The following TRAPPC12 variants were observed in gnomAD, a reference collection of about 807,000 sequenced individuals.
TRAPPC12 encodes the protein trafficking protein particle complex subunit 12.
In TRAPPC12, 61 loss-of-function variants were observed where a neutral mutation model predicts 69.2. The observed-to-expected ratio is 0.88, with a 90% confidence interval of 0.72 to 1.09. TRAPPC12 has a LOEUF of 1.09. TRAPPC12 is among the 50% of genes least tolerant of loss of function. The pLI is 0.00. For synonymous variants in TRAPPC12, 469 were observed against 438.9 expected (o/e 1.07, Z -0.86); for missense variants, 1,101 against 1,016.4 (o/e 1.08, Z -1.13).
rs146104184 is a variant in TRAPPC12 at position 3,468,209 on chromosome 2, A to G, written c.1776+2514A>G. 7.5e-3 allele frequency among the ~76,000 whole-genome samples: 1,129 copies of G among 151,242 alleles called. 12 individuals carry two copies. The highest frequency in any genetic ancestry group is 0.026 in the African/African-American group (1,090 of 41,194). ...CTCCCTTCTCTTTCTGCTTGTGCAA[A>G]CCCTGCCCATTCTTGAGGGCTCACT... On this transcript the variant is annotated intron_variant, in intron 9 of 11. Transcript: ENST00000324266.
intron 7 of TRAPPC12, among the ~76,000 whole-genome samples, chr2:3,459,088 ATTG>A (rs1202275867): frequency 6.6e-6 from 1 of 152,196 alleles, no homozygotes; most frequent in Non-Finnish European, 1.5e-5. Flanking sequence ...TTTCTAGGTG[ATTG>A]TTATCTCACA....
chr2:3,436,704 C>T (rs1663805273), intron 5 of TRAPPC12, among the ~76,000 whole-genome samples: 1 of 151,764 alleles, frequency 6.6e-6, no homozygotes, highest in South Asian at 2.1e-4. Flanking sequence ...AGTTTCACTG[C>T]CCTGTGTATT....
At chr2:3,418,171 G>A (rs1193317587) in intron 3 of TRAPPC12, among the ~76,000 whole-genome samples, 4 of 152,100 alleles carry the variant, frequency 2.6e-5, no homozygotes, top group African/African-American at 9.7e-5. Flanking sequence ...GACAAGCCTG[G>A]GCAACATGGG....
intron 9 of TRAPPC12, among the ~76,000 whole-genome samples, chr2:3,476,067 G>C (rs772581437): frequency 8.2e-4 from 125 of 152,328 alleles, no homozygotes; most frequent in Non-Finnish European, 1.6e-3. Flanking sequence ...GAAATCGATA[G>C]TAGTGGACTT....
At chr2:3,384,205 A>G (rs1246243493) in intron 1 of TRAPPC12, among the ~76,000 whole-genome samples, 1 of 152,096 alleles carries the variant, frequency 6.6e-6, no homozygotes, top group African/African-American at 2.4e-5. Flanking sequence ...CCAATATTTC[A>G]GTCTTTATAC....
intron 2 of TRAPPC12, among the ~76,000 whole-genome samples, chr2:3,393,427 G>A (rs1020849885): frequency 6.6e-6 from 1 of 152,156 alleles, no homozygotes; most frequent in Admixed American, 6.5e-5. Flanking sequence ...ATTTAACATG[G>A]TGACTATAGT....
intron 7 of TRAPPC12, chr2:3,458,085 G>A: frequency 5.8e-6 from 6 of 1,036,246 alleles, no homozygotes; most frequent in Non-Finnish European, 7.0e-6. Flanking sequence ...GTCGGGGACA[G>A]AGGCTCGGGA....
At position 3,478,829 on chromosome 2, in the gene TRAPPC12, C is replaced by T. The variant is rs778449124; in HGVS notation, c.1878-17C>T. Reference sequence around the variant, plus strand: ...CTGGGCTTTCCCCGCTAACTGCCACCGTTGCTTGTGTTACAGCGCGTTCCT... The same window carrying T: ...CTGGGCTTTCCCCGCTAACTGCCACTGTTGCTTGTGTTACAGCGCGTTCCT... On this transcript the variant is annotated splice_polypyrimidine_tract_variant and intron_variant, in intron 10 of 11. Coordinates refer to ENST00000324266, the MANE Select transcript of TRAPPC12 (RefSeq NM_016030.6). 5 of 1,612,760 alleles carry T rather than the reference C, an allele frequency of 3.1e-6. No individual in the cohort carries two copies. The highest frequency in any genetic ancestry group is 1.3e-5 in the African/African-American group (1 of 74,836).
At chr2:3,465,399 C>G (rs1025138629) in intron 8 of TRAPPC12, among the ~76,000 whole-genome samples, 198 bp from the exon 9 acceptor site, 2 of 151,844 alleles carry the variant, frequency 1.3e-5, no homozygotes, top group African/African-American at 4.9e-5. Context: ...GCTCAGAATC[C>G]CGGCCCGACT....
In TRAPPC12 at chr2:3,387,646, A is replaced by C; in HGVS notation, c.23A>C (p.Glu8Ala). MEDAGGG[E>A]ETPAPEAPHP... Reference sequence around the variant, plus strand: ...GTCATGGAGGACGCTGGCGGCGGCGAGGAGACCCCGGCCCCGGAGGCCCCG... The same window carrying C: ...GTCATGGAGGACGCTGGCGGCGGCGCGGAGACCCCGGCCCCGGAGGCCCCG... The change falls in exon 2 of 12, where the codon GAG (glutamate) becomes GCG (alanine). Residue 8 changes from glutamate (E) to alanine (A), a missense_variant. Glu to Ala is a moderately radical substitution (Grantham distance 107, BLOSUM62 -1). Coordinates refer to ENST00000324266, the MANE Select transcript of TRAPPC12 (RefSeq NM_016030.6). The C allele has an allele frequency of 6.5e-7, 1 of 1,545,158 alleles. No individual in the cohort carries two copies. The highest frequency in any genetic ancestry group is 2.5e-5 in the East Asian group (1 of 40,674).
intron 2 of TRAPPC12, among the ~76,000 whole-genome samples, chr2:3,399,815 G>T (rs10153849): frequency 1.4e-5 from 2 of 141,706 alleles, no homozygotes; most frequent in East Asian, 2.2e-4. Flanking sequence ...CGCTCCCCCC[G>T]CCACCGCCCC....
Position 3,414,461 on chromosome 2 carries a change from C to T in TRAPPC12, c.1165-7420C>T, listed in dbSNP as rs906793513. On this transcript the variant is annotated intron_variant, in intron 3 of 11. Coordinates refer to ENST00000324266, the MANE Select transcript of TRAPPC12 (RefSeq NM_016030.6). The surrounding 1 kb of genome is among the most constrained non-coding windows in gnomAD (Gnocchi z 4.9). ...CCCGGGTTCTTGTCCTCCCCCCTGC[C>T]GCCACCCTGGGGTCTGCCACTCTGG... is the stretch of plus-strand genomic sequence containing the variant. 6.6e-6 allele frequency among the ~76,000 whole-genome samples: 1 copy of T among 152,102 alleles called. No homozygotes were observed. The highest frequency in any genetic ancestry group is 1.5e-5 in the Non-Finnish European group (1 of 68,012).
rs138781407 is a variant in TRAPPC12, at chr2:3,429,444, A to G, written c.1417+4781A>G. On this transcript the variant is annotated intron_variant, in intron 5 of 11. Coordinates refer to ENST00000324266, the MANE Select transcript of TRAPPC12 (RefSeq NM_016030.6). ...CTTCACTTGCATAGTGATACCCTGT[A>G]TCATGCATCTCCAGGGACAGAAAAA... is the stretch of plus-strand genomic sequence containing the variant. Among the ~76,000 whole-genome samples, 18 of 152,348 alleles carry G rather than the reference A, an allele frequency of 1.2e-4. No homozygotes were observed. The East Asian group carries it at 3.3e-3, about 28-fold the overall frequency.
At position 3,417,219 on chromosome 2, in the gene TRAPPC12, C is replaced by G. The variant is rs115200621; in HGVS notation, c.1165-4662C>G. Among the ~76,000 whole-genome samples the G allele has an allele frequency of 3.3e-3, 497 of 152,244 alleles. 3 individuals are homozygous for G. Among genetic ancestry groups the G allele is most frequent in the African/African-American group, 0.011 (470 of 41,540 alleles). ...GCTGCGTCTCCATGTCCGGCCTGCC[C>G]TGGGTGGGTAGAGACAGGTTCGCGC... On this transcript the variant is annotated intron_variant, in intron 3 of 11. Coordinates refer to ENST00000324266, the MANE Select transcript of TRAPPC12 (RefSeq NM_016030.6).
In TRAPPC12 at chr2:3,479,298, A is replaced by G. The variant is rs1243982530; in HGVS notation, c.2045A>G (p.Gln682Arg). 1.2e-6 allele frequency: 2 copies of G among 1,614,204 alleles called. No homozygotes were observed. The highest frequency in any genetic ancestry group is 1.3e-5 in the African/African-American group (1 of 75,080). The change falls in exon 12 of 12, where the codon CAG becomes CGG. Residue 682 changes from glutamine (Q) to arginine (R), a missense_variant. Coordinates refer to ENST00000324266, the MANE Select transcript of TRAPPC12 (RefSeq NM_016030.6). ...CTGCGGCAGCTGGAGGCCATGGTCC[A>G]GCAGGACCCCAGGCACTACCTGCAC... ...DSLRQLEAMVQQDPRHYLHES... is the reference protein window; with the variant it reads ...DSLRQLEAMVRQDPRHYLHES...
chr2:3,389,350 T>A (rs1042350354), intron 2 of TRAPPC12, among the ~76,000 whole-genome samples: 50 of 152,146 alleles, frequency 3.3e-4, no homozygotes, highest in Non-Finnish European at 2.8e-4. Flanking sequence ...CCCCAGCAGG[T>A]GGGTTGTGCG....
intron 9 of TRAPPC12, among the ~76,000 whole-genome samples, chr2:3,470,524 G>C (rs1181181854): frequency 6.6e-6 from 1 of 152,222 alleles, no homozygotes; most frequent in African/African-American, 2.4e-5. Flanking sequence ...GACCAATCCT[G>C]CCTCCACCAG....
At chr2:3,449,966 C>T (rs1558392426) in intron 6 of TRAPPC12, among the ~76,000 whole-genome samples, 1 of 152,036 alleles carries the variant, frequency 6.6e-6, no homozygotes, top group Non-Finnish European at 1.5e-5. Context: ...CTCCTGGAAC[C>T]CCGTGTGTGT....
At chr2:3,407,682 G>A (rs1424847167) in intron 3 of TRAPPC12, among the ~76,000 whole-genome samples, 5 of 151,892 alleles carry the variant, frequency 3.3e-5, no homozygotes, top group Admixed American at 3.3e-4. Context: ...GGTGCCTGTA[G>A]TCCCAGCTAC....
Sources: gnomAD v4.1 joint callset for allele counts (sites outside exome capture counted in the v4.1 genomes callset) on GRCh38, gnomAD v4.1.1 for gene constraint, Gnocchi (gnomAD v3.1) non-coding constraint, MANE v1.5 for transcripts, NCBI Gene and HGNC (gene_info 2026-07-23, HGNC 2026-07-21) for gene names.